The following GRIK2 variants were observed in gnomAD, a reference collection of about 807,000 sequenced individuals.
GRIK2 encodes glutamate ionotropic receptor kainate type subunit 2.
Under a neutral mutation model 100.3 loss-of-function variants are expected in GRIK2, and 32 were observed. The ratio of observed to expected loss-of-function variants is 0.32; its 90% CI spans 0.24 to 0.43. The LOEUF (loss-of-function observed/expected upper bound fraction) is 0.43, where lower values mean the gene tolerates loss of function less well. GRIK2 is among the 20% of genes least tolerant of loss of function. The pLI is 1.00. For synonymous variants in GRIK2, 417 were observed against 389.4 expected, an observed-to-expected ratio of 1.07 and a Z score of -0.83; for missense variants, 843 against 1,114.9, an observed-to-expected ratio of 0.76 and a Z score of 3.47.
Position 101,628,922 on chromosome 6 carries a change from T to C in GRIK2, c.541+2285T>C, listed in dbSNP as rs184543437. Among the ~76,000 whole-genome samples, 632 of 152,244 alleles carry C rather than the reference T, an allele frequency of 4.2e-3. 5 individuals are homozygous for C. The highest frequency in any genetic ancestry group is 7.2e-3 in the Non-Finnish European group (487 of 67,982). ...AACTTTATTCACAATCCTACGTGTA[T>C]GCACATGTGTGGCATTTTTATTTAA... On this transcript the variant is annotated intron_variant, in intron 4 of 16. Transcript: ENST00000369134.
At chr6:101,411,998 A>G (rs1775906075) in intron 2 of GRIK2, among the ~76,000 whole-genome samples, 1 of 152,048 alleles carries the variant, frequency 6.6e-6, no homozygotes, top group African/African-American at 2.4e-5. Context: ...GAGGATTCCA[A>G]CTTTTCAGTT....
chr6:101,872,838 T>C (rs1207143761), intron 11 of GRIK2, among the ~76,000 whole-genome samples: 1 of 151,964 alleles, frequency 6.6e-6, no homozygotes. Flanking sequence ...AGAATTTAAA[T>C]CCTTTGAAAG....
chr6:101,653,627 A>G (rs1781922203), intron 4 of GRIK2, among the ~76,000 whole-genome samples: 1 of 151,048 alleles, frequency 6.6e-6, no homozygotes, highest in Non-Finnish European at 1.5e-5. Flanking sequence ...AAACATCTTT[A>G]TTTTCTTTCT....
At position 101,558,669 on chromosome 6, in the gene GRIK2, CT is replaced by C. The variant is rs371713680; in HGVS notation, c.116-63268del. 1.8e-3 allele frequency among the ~76,000 whole-genome samples: 255 copies of C among 143,392 alleles called. 4 individuals carry two copies. In the East Asian group the frequency reaches 0.045, roughly 25 times the overall value. The allele number at this position is 143,392 out of a possible 152,430, so 94.1% of individuals were successfully genotyped here. ...TTGGCTTTGTTCCTCCCCTTTGCTT[CT>C]TTTTTTTTTTTCTATGTTGACTGCT... is the stretch of plus-strand genomic sequence containing the variant. On this transcript the variant is annotated intron_variant, in intron 2 of 16. Coordinates refer to ENST00000369134, the MANE Select transcript of GRIK2 (RefSeq NM_021956.5).
At chr6:101,926,433 G>A (rs190279842) in intron 13 of GRIK2, among the ~76,000 whole-genome samples, 21 of 151,864 alleles carry the variant, frequency 1.4e-4, no homozygotes, top group Non-Finnish European at 2.2e-4. Flanking sequence ...CAAGACTTTC[G>A]TTTTAAAAGT....
At chr6:101,717,813 A>G (rs1433143908) in intron 7 of GRIK2, among the ~76,000 whole-genome samples, 3 of 151,752 alleles carry the variant, frequency 2.0e-5, no homozygotes, top group Non-Finnish European at 4.4e-5. Flanking sequence ...TCCTCTAGCA[A>G]TCTGTTTTTA....
At chr6:101,930,961 A>G (rs1790228438) in intron 14 of GRIK2, among the ~76,000 whole-genome samples, 1 of 152,154 alleles carries the variant, frequency 6.6e-6, no homozygotes, top group African/African-American at 2.4e-5. Context: ...AAGTCACAAT[A>G]AAAACCACAC....
At chr6:101,995,818 C>T (rs1235560534) in intron 14 of GRIK2, among the ~76,000 whole-genome samples, 3 of 151,844 alleles carry the variant, frequency 2.0e-5, no homozygotes, top group Non-Finnish European at 4.4e-5. Flanking sequence ...AATGAAAAAT[C>T]TATGGTCATA....
At chr6:101,903,386 T>C (rs1192653849) in intron 12 of GRIK2, among the ~76,000 whole-genome samples, 1 of 151,864 alleles carries the variant, frequency 6.6e-6, no homozygotes, top group African/African-American at 2.4e-5. Flanking sequence ...TTTCAAGTGC[T>C]CATTTCTGAA....
chr6:101,639,732 T>G, intron 4 of GRIK2, among the ~76,000 whole-genome samples: 1 of 152,168 alleles, frequency 6.6e-6, no homozygotes, highest in East Asian at 1.9e-4. Flanking sequence ...GAGATAACAT[T>G]ATCTAAGCAT....
chr6:101,697,345 G>A (rs1772563612), intron 7 of GRIK2, among the ~76,000 whole-genome samples: 1 of 1,408 alleles, frequency 7.1e-4, no homozygotes, highest in African/African-American at 2.5e-3. Context: ...GTGTACGTGT[G>A]TGTGTGTGTG....
chr6:101,826,797 G>A lies in GRIK2; in HGVS notation c.1317+8314G>A, dbSNP rs528143049. ...TAGCATACCATTTAAAAAAAATGAC[G>A]TTTTTTCTTAATACAAGCATGAATG... On this transcript the variant is annotated intron_variant, in intron 10 of 16. Transcript: ENST00000369134. Among the ~76,000 whole-genome samples the A allele has an allele frequency of 3.3e-5, 5 of 151,968 alleles. No individual in the cohort carries two copies. In the East Asian group the frequency reaches 9.7e-4, roughly 29 times the overall value.
chr6:101,560,135 AG>A (rs1776932688), intron 2 of GRIK2, among the ~76,000 whole-genome samples: 1 of 152,138 alleles, frequency 6.6e-6, no homozygotes. Context: ...ACCCCTCTCC[AG>A]TATTGCCAAC....
At chr6:101,419,949 C>T (rs1374731484) in intron 2 of GRIK2, among the ~76,000 whole-genome samples, 2 of 152,136 alleles carry the variant, frequency 1.3e-5, no homozygotes, top group African/African-American at 4.8e-5. Context: ...TTCCTAATTC[C>T]GGTTCACTTC....
chr6:101,736,650 C>T (rs1045158724), intron 7 of GRIK2, among the ~76,000 whole-genome samples: 10 of 152,144 alleles, frequency 6.6e-5, no homozygotes, highest in Admixed American at 1.3e-4. Flanking sequence ...ACCCTGGGCC[C>T]GGCCCACAAA....
At chr6:102,065,269 A>G (rs1771960485) in intron 16 of GRIK2, among the ~76,000 whole-genome samples, 1 of 151,330 alleles carries the variant, frequency 6.6e-6, no homozygotes, top group South Asian at 2.1e-4. Context: ...TTCAAATTAT[A>G]AAAGATAATA....
intron 14 of GRIK2, among the ~76,000 whole-genome samples, chr6:101,997,257 A>T (rs989386067): frequency 6.6e-6 from 1 of 151,960 alleles, no homozygotes; most frequent in Admixed American, 6.6e-5. Flanking sequence ...TTTTATTTGA[A>T]AAATAGTTTT....
At chr6:101,524,718 GTTTTTT>G (rs11339091) in intron 2 of GRIK2, among the ~76,000 whole-genome samples, 4 of 134,284 alleles carry the variant, frequency 3.0e-5, no homozygotes, top group African/African-American at 5.7e-5. Context: ...TTGCATGTTC[GTTTTTT>G]TTTTTTTTTT....
chr6:101,766,839 A>G (rs1346099605), intron 7 of GRIK2, among the ~76,000 whole-genome samples: 2 of 152,200 alleles, frequency 1.3e-5, no homozygotes, highest in African/African-American at 2.4e-5. Flanking sequence ...TTATGATACT[A>G]CTTGATTAAC....
Sources: allele counts gnomAD v4.1 joint callset (sites outside exome capture counted in the v4.1 genomes callset), GRCh38; gene constraint gnomAD v4.1.1; transcripts MANE v1.5; gene names NCBI Gene and HGNC (gene_info 2026-07-23, HGNC 2026-07-21).